The following NLRP1 variants were observed in gnomAD, a reference collection of about 807,000 sequenced individuals.
NLRP1 encodes the protein NLR family pyrin domain containing 1, also known as NACHT, LRR and PYD domains-containing protein 1.
A neutral mutation model predicts 136.7 loss-of-function variants in NLRP1; 94 were observed. The observed-to-expected ratio is 0.69, with a 90% CI of 0.58 to 0.82. The LOEUF (loss-of-function observed/expected upper bound fraction) is 0.82, where lower values mean the gene tolerates loss of function less well. Ranked by LOEUF, NLRP1 falls within the 40% of genes least tolerant of loss-of-function variation. The pLI is 0.00. For missense variants in NLRP1, 1,575 were observed against 1,802.7 expected, an observed-to-expected ratio of 0.87 and a Z score of 2.29; for synonymous variants, 690 against 725.1, an observed-to-expected ratio of 0.95 and a Z score of 0.78.
At chr17:5,553,840 G>A (rs1913685908) in intron 4 of NLRP1, among the ~76,000 whole-genome samples, 1 of 151,182 alleles carries the variant, frequency 6.6e-6, no homozygotes, top group Non-Finnish European at 1.5e-5. Flanking sequence ...CTTGAGGGCA[G>A]GGACAGACAT....
downstream of NLRP1, among the ~76,000 whole-genome samples, chr17:5,510,613 C>T (rs1053545754): frequency 4.6e-5 from 7 of 151,886 alleles, no homozygotes; most frequent in South Asian, 2.1e-4. Flanking sequence ...GTGATCCGTC[C>T]GCCTTGACAT....
At chr17:5,531,268 C>T (rs754083584) in intron 11 of NLRP1, among the ~76,000 whole-genome samples, 4 of 151,844 alleles carry the variant, frequency 2.6e-5, no homozygotes, top group Admixed American at 6.6e-5. Context: ...CAGGCTGGAG[C>T]GCAGTGGCCC....
intron 5 of NLRP1, 145 bp downstream of exon 5, chr17:5,553,241 G>T: frequency 1.5e-6 from 1 of 682,976 alleles, no homozygotes. Flanking sequence ...TCCTATCTGT[G>T]TTTGTTTACT....
rs375076357 is a variant in NLRP1, at chr17:5,576,297, G to C, written c.652+5562C>G. Among the ~76,000 whole-genome samples, 24 of 152,266 alleles carry C rather than the reference G, an allele frequency of 1.6e-4. No homozygotes were observed. In the South Asian group the frequency reaches 4.6e-3, roughly 29 times the overall value. On this transcript the variant is annotated intron_variant, in intron 3 of 16. Transcript: ENST00000572272. ...GATCAGAGCAGAACTGAAGGAGACA[G>C]AGACACAAAAAACCTTTCAAAAAAT...
At chr17:5,521,983 C>A in intron 12 of NLRP1, among the ~76,000 whole-genome samples, 197 bp from the exon 13 acceptor site, 1 of 152,194 alleles carries the variant, frequency 6.6e-6, no homozygotes, top group East Asian at 1.9e-4. Context: ...TGCCACCATG[C>A]CCAGCTAATT....
chr17:5,513,581 G>A (rs1022800989), downstream of NLRP1, among the ~76,000 whole-genome samples: 1 of 152,216 alleles, frequency 6.6e-6, no homozygotes, highest in African/African-American at 2.4e-5. Flanking sequence ...AAAAGATGGA[G>A]TCCCTATAAG....
At chr17:5,556,624 T>TG (rs1355405770) in intron 4 of NLRP1, among the ~76,000 whole-genome samples, 1 of 135,536 alleles carries the variant, frequency 7.4e-6, no homozygotes, top group Non-Finnish European at 1.7e-5. Context: ...AATTGACCAC[T>TG]AATTTTTTTT....
rs556208587 is a variant in NLRP1, at chr17:5,525,355, G to A, written c.3521-3569C>T. Among the ~76,000 whole-genome samples the A allele has an allele frequency of 1.1e-3, 164 of 152,344 alleles. 3 individuals carry two copies. The South Asian group carries it at 0.033, about 31-fold the overall frequency. Reference sequence around the variant, plus strand: ...AACAATGGCTCAAAGCATGACAAGTGCTCCGCCAATGGAAGCCTGTCAGCT... The same window carrying A: ...AACAATGGCTCAAAGCATGACAAGTACTCCGCCAATGGAAGCCTGTCAGCT... On this transcript the variant is annotated intron_variant, in intron 12 of 16. Transcript: ENST00000572272.
At chr17:5,542,071 T>C in intron 5 of NLRP1, 44 bp from the exon 6 acceptor site, 3 of 1,577,472 alleles carry the variant, frequency 1.9e-6, no homozygotes, top group Non-Finnish European at 2.6e-6. Context: ...ACTCACCTGT[T>C]GATTCAACAG....
At chr17:5,533,652 A>C (rs893582715) in intron 9 of NLRP1, among the ~76,000 whole-genome samples, 1 of 148,746 alleles carries the variant, frequency 6.7e-6, no homozygotes, top group Admixed American at 6.8e-5. Context: ...ACCCCGGTTC[A>C]GGGTTTGATA....
downstream of NLRP1, chr17:5,512,607 G>A (rs1046947659): frequency 4.0e-5 from 19 of 473,678 alleles, no homozygotes; most frequent in South Asian, 1.3e-4. Context: ...TGAAGGACCC[G>A]AAAGACAAGG....
At position 5,533,302 on chromosome 17, in the gene NLRP1, G is replaced by A; in HGVS notation, c.3133+2C>T. On this transcript the variant is annotated splice_donor_variant, in intron 10 of 16. Transcript: ENST00000572272. LOFTEE classifies it low-confidence loss of function (GC_TO_GT_DONOR). The stretch of plus-strand genomic sequence containing the variant: ...AAAGGGGCCAGGCACCGTGGCTCTT[G>A]CCTGCAATCTCAGCAATTGGGAAGA... 6.5e-7 allele frequency: 1 copy of A among 1,549,350 alleles called. No individual in the cohort carries two copies. The highest frequency in any genetic ancestry group is 8.7e-7 in the Non-Finnish European group (1 of 1,144,766).
At chr17:5,555,890 C>T (rs1035119454) in intron 4 of NLRP1, among the ~76,000 whole-genome samples, 1 of 145,932 alleles carries the variant, frequency 6.9e-6, no homozygotes, top group Admixed American at 6.9e-5. Context: ...GTCAGGAGTT[C>T]AAGACCAACC....
At chr17:5,535,728 TA>T (rs1267417472) in intron 8 of NLRP1, among the ~76,000 whole-genome samples, 1 of 152,218 alleles carries the variant, frequency 6.6e-6, no homozygotes, top group East Asian at 1.9e-4. Context: ...TGGCTCCTCT[TA>T]AGCCTAGGAG....
Position 5,517,858 on chromosome 17 carries a change from T to C in NLRP1, c.3945A>G (p.Gly1315=), listed in dbSNP as rs201385462. Residue 1315 remains glycine, a synonymous_variant, in exon 15 of 17, where the codon GGA becomes GGG. Coordinates refer to ENST00000572272, the MANE Select transcript of NLRP1 (RefSeq NM_033004.4). ...KELELCYRSP[G]EDQLFSEFYV... ...AGAACTCCGAGAACAGCTGGTCTTC[T>C]CCAGGGCTTCGATAGCAGAGCTCCA... The C allele has an allele frequency of 1.8e-5, 29 of 1,614,156 alleles. No homozygotes were observed. Among genetic ancestry groups the C allele is most frequent in the Non-Finnish European group, 2.5e-5 (29 of 1,180,026 alleles).
chr17:5,575,983 G>GC (rs1555549520), intron 3 of NLRP1, among the ~76,000 whole-genome samples: 9 of 152,190 alleles, frequency 5.9e-5, no homozygotes, highest in Non-Finnish European at 5.9e-5. Flanking sequence ...ACTCAAAACC[G>GC]CTCAACTACA....
chr17:5,537,223 G>A lies in NLRP1; in HGVS notation c.2871-283C>T, dbSNP rs1427330803. On this transcript the variant is annotated intron_variant, in intron 7 of 16. Transcript: ENST00000572272. The surrounding 1 kb of genome is among the most constrained non-coding windows in gnomAD (Gnocchi z 4.5). ...CTCTGGGAGATGATCCTTTAGAGCT[G>A]TTTAAAGGAGTTGGGTTGAGGGGCT... Among the ~76,000 whole-genome samples the A allele has an allele frequency of 6.6e-6, 1 of 152,234 alleles. No individual in the cohort carries two copies. The highest frequency in any genetic ancestry group is 2.4e-5 in the African/African-American group (1 of 41,458).
At chr17:5,540,524 T>G (rs1034757514) in intron 6 of NLRP1, among the ~76,000 whole-genome samples, 1 of 152,022 alleles carries the variant, frequency 6.6e-6, no homozygotes, top group African/African-American at 2.4e-5. Flanking sequence ...GGGCCTTCGC[T>G]AAGAGAGGGA....
intron 12 of NLRP1, among the ~76,000 whole-genome samples, chr17:5,523,080 G>A (rs1909093481): frequency 6.6e-6 from 1 of 152,106 alleles, no homozygotes; most frequent in Non-Finnish European, 1.5e-5. Flanking sequence ...CTAGAGGGGT[G>A]AAACAGATGC....
Sources: allele counts gnomAD v4.1 joint callset (sites outside exome capture counted in the v4.1 genomes callset), GRCh38; gene constraint gnomAD v4.1.1; non-coding constraint Gnocchi (gnomAD v3.1); transcripts MANE v1.5; gene names NCBI Gene and HGNC (gene_info 2026-07-23, HGNC 2026-07-21).